The following CCDC47 variants were observed in gnomAD, a reference collection of about 807,000 sequenced individuals.
CCDC47 encodes the protein PAT complex subunit CCDC47.
CCDC47 carries 41 observed loss-of-function variants against 60.5 expected under a neutral mutation model. The observed-to-expected ratio is 0.68, with a 90% CI of 0.53 to 0.88. The LOEUF is 0.88. Ranked by LOEUF, CCDC47 falls within the 40% of genes least tolerant of loss-of-function variation. The pLI is 0.00. For synonymous variants in CCDC47, 195 were observed against 190.7 expected (o/e 1.02, Z -0.18); for missense variants, 513 against 580.9 (o/e 0.88, Z 1.20).
rs1422923998 is a variant in CCDC47, at chr17:63,754,528, A to G, written c.949-10T>C. On this transcript the variant is annotated splice_polypyrimidine_tract_variant and intron_variant, in intron 8 of 12. Coordinates refer to ENST00000225726, the MANE Select transcript of CCDC47 (RefSeq NM_020198.3). ...TAAGAAAGTGAACCATCTGAAAAAA[A>G]GAAAATAATATTTTTTAAAAGCAAG... 6.4e-7 allele frequency: 1 copy of G among 1,564,966 alleles called. No homozygotes were observed. Among genetic ancestry groups the G allele is most frequent in the Admixed American group, 1.8e-5 (1 of 56,408 alleles).
At chr17:63,749,535 C>T (rs149282465) in intron 12 of CCDC47, among the ~76,000 whole-genome samples, 3,528 of 151,024 alleles carry the variant, frequency 0.023, 152 homozygotes, top group African/African-American at 0.081. Context: ...AGGCGGATCA[C>T]GAGGTCAAGA....
chr17:63,762,816 A>G (rs2039270432), intron 4 of CCDC47, among the ~76,000 whole-genome samples: 1 of 152,276 alleles, frequency 6.6e-6, no homozygotes, highest in Non-Finnish European at 1.5e-5. Flanking sequence ...GGTTTCCGTC[A>G]GAATTTTATC....
chr17:63,758,316 A>G (rs1347529281), intron 6 of CCDC47, among the ~76,000 whole-genome samples: 3 of 152,186 alleles, frequency 2.0e-5, no homozygotes, highest in Non-Finnish European at 4.4e-5. Flanking sequence ...GAAGTGGGGC[A>G]GTCTTGTGGG....
At chr17:63,760,878 G>T in intron 6 of CCDC47, 36 bp downstream of exon 6, 81 of 1,319,336 alleles carry the variant, frequency 6.1e-5, no homozygotes, top group Non-Finnish European at 8.0e-5. Flanking sequence ...AAATAATTCA[G>T]TCTGTACACA....
chr17:63,752,631 G>T, intron 10 of CCDC47, 110 bp downstream of exon 10: 1 of 1,148,862 alleles, frequency 8.7e-7, no homozygotes, highest in Non-Finnish European at 1.2e-6. Context: ...AGCAAGCACA[G>T]GCTTATAGTT....
Position 63,746,386 on chromosome 17 carries a change from T to C in CCDC47, c.*495A>G, listed in dbSNP as rs142392556. On this transcript the variant is annotated 3_prime_UTR_variant, in exon 13 of 13. Transcript: ENST00000225726. ...TCTAATTTTTACTTTTTCTCAAGTT[T>C]AATGTAGACATACAAGAAAACATCA... 5.3e-3 allele frequency: 817 copies of C among 153,704 alleles called. 6 individuals are homozygous for C. Among genetic ancestry groups the C allele is most frequent in the African/African-American group, 0.018 (745 of 41,568 alleles). The allele number at this position is 153,704 out of a possible 1,614,324, so 9.5% of individuals were successfully genotyped here. A position where few individuals can be genotyped will look rare whatever the true frequency, so the allele number is the denominator to read the frequency against.
At chr17:63,752,563 A>C in intron 10 of CCDC47, 134 bp from the exon 11 acceptor site, 1 of 750,904 alleles carries the variant, frequency 1.3e-6, no homozygotes, top group South Asian at 2.5e-5. Flanking sequence ...TGCAGCAGAA[A>C]ATATAAATTA....
intron 1 of CCDC47, among the ~76,000 whole-genome samples, chr17:63,771,201 G>A (rs868214628): frequency 6.6e-6 from 1 of 151,848 alleles, no homozygotes; most frequent in Middle Eastern, 3.4e-3. Flanking sequence ...ACCACAGATG[G>A]AACAGATTTG....
intron 12 of CCDC47, among the ~76,000 whole-genome samples, chr17:63,748,714 G>A (rs1038767463): frequency 3.9e-5 from 6 of 152,170 alleles, no homozygotes; most frequent in African/African-American, 7.2e-5. Context: ...GGCCACTTGA[G>A]AGGTCAGGAG....
intron 1 of CCDC47, among the ~76,000 whole-genome samples, chr17:63,767,854 T>C (rs2039308445): frequency 6.6e-6 from 1 of 152,196 alleles, no homozygotes; most frequent in Non-Finnish European, 1.5e-5. Context: ...ATCAATCACA[T>C]TTTTCCAGTC....
chr17:63,747,004 C>T (rs759567236), intron 12 of CCDC47, 43 bp from the exon 13 acceptor site: 36 of 1,597,826 alleles, frequency 2.3e-5, no homozygotes, highest in Admixed American at 1.7e-4. Flanking sequence ...GGAGTGGGGA[C>T]GAGAGAATTC....
At chr17:63,767,359 G>A (rs2039304776) in intron 1 of CCDC47, among the ~76,000 whole-genome samples, 1 of 152,018 alleles carries the variant, frequency 6.6e-6, no homozygotes, top group Admixed American at 6.6e-5. Context: ...CGTGAAAAAA[G>A]CTTCTGCATT....
At chr17:63,756,080 C>G (rs1444101862) in intron 8 of CCDC47, among the ~76,000 whole-genome samples, 160 bp downstream of exon 8, 1 of 152,004 alleles carries the variant, frequency 6.6e-6, no homozygotes, top group Non-Finnish European at 1.5e-5. Flanking sequence ...TTTTGACAAG[C>G]TAATTTATTG....
At chr17:63,749,613 G>A (rs749403879) in intron 12 of CCDC47, among the ~76,000 whole-genome samples, 1 of 151,986 alleles carries the variant, frequency 6.6e-6, no homozygotes, top group Non-Finnish European at 1.5e-5. Flanking sequence ...GCTGAGCATG[G>A]TGGCATGTGC....
intron 4 of CCDC47, among the ~76,000 whole-genome samples, chr17:63,763,217 C>T (rs767100398): frequency 1.4e-4 from 22 of 152,166 alleles, no homozygotes; most frequent in Middle Eastern, 3.4e-3. Flanking sequence ...GCCACCGCAC[C>T]GGGCCAAAAA....
chr17:63,761,217 G>A lies in CCDC47; in HGVS notation c.669+13C>T. 3 of 1,614,038 alleles carry A rather than the reference G, an allele frequency of 1.9e-6. No homozygotes were observed. Among genetic ancestry groups the A allele is most frequent in the Non-Finnish European group, 2.5e-6 (3 of 1,179,966 alleles). The stretch of plus-strand genomic sequence containing the variant: ...AGGGAAGATATATATCGTACAAGAA[G>A]TTTCCTACTTACCCTCAGCTGGATA... On this transcript the variant is annotated intron_variant, in intron 5 of 12. Coordinates refer to ENST00000225726, the MANE Select transcript of CCDC47 (RefSeq NM_020198.3).
chr17:63,749,934 AAC>A (rs2039150161), intron 12 of CCDC47, among the ~76,000 whole-genome samples: 1 of 152,054 alleles, frequency 6.6e-6, no homozygotes, highest in Non-Finnish European at 1.5e-5. Flanking sequence ...TAGCCTGGGC[AAC>A]AGAGTGAGAC....
At chr17:63,767,024 T>A in intron 1 of CCDC47, 1 of 712,144 alleles carries the variant, frequency 1.4e-6, no homozygotes, top group Non-Finnish European at 1.7e-6. Flanking sequence ...AAAAAGCAAC[T>A]AATTTAATCC....
intron 1 of CCDC47, among the ~76,000 whole-genome samples, chr17:63,770,257 G>A (rs981848476): frequency 2.6e-5 from 4 of 151,974 alleles, no homozygotes; most frequent in African/African-American, 9.7e-5. Context: ...ACAGGCATGA[G>A]CCACCGTGCC....
Sources: gnomAD v4.1 joint callset for allele counts (sites outside exome capture counted in the v4.1 genomes callset) on GRCh38, gnomAD v4.1.1 for gene constraint, MANE v1.5 for transcripts, NCBI Gene and HGNC (gene_info 2026-07-23, HGNC 2026-07-21) for gene names.